Variants in CSMD1 observed in about 807,000 individuals in gnomAD.
CSMD1 encodes CUB and sushi domain-containing protein 1.
A neutral mutation model predicts 417.5 loss-of-function variants in CSMD1; 213 were observed. The observed-to-expected ratio is 0.51, with a 90% CI of 0.46 to 0.57. The LOEUF is 0.57. CSMD1 is among the 20% of genes least tolerant of loss of function. The probability of loss-of-function intolerance (pLI) is 0.00; values close to 1 mark genes in which losing one functional copy is unlikely to be tolerated. For missense variants in CSMD1, 6,923 were observed against 4,529.7 expected, an observed-to-expected ratio of 1.53 and a Z score of -15.17; for synonymous variants, 2,862 against 1,736.8, an observed-to-expected ratio of 1.65 and a Z score of -16.11.
intron 52 of CSMD1, 107 bp downstream of exon 52, chr8:3,018,370 G>C: frequency 2.0e-6 from 2 of 989,524 alleles, no homozygotes; most frequent in Admixed American, 2.4e-5. Flanking sequence ...TTCCACCCCA[G>C]GTAGGATTTA....
chr8:3,984,773 G>T (rs903636817), intron 5 of CSMD1, among the ~76,000 whole-genome samples: 10 of 145,052 alleles, frequency 6.9e-5, no homozygotes, highest in African/African-American at 2.5e-4. Context: ...TTGTGCGTGT[G>T]TGTGTGTGTG....
intron 2 of CSMD1, among the ~76,000 whole-genome samples, chr8:4,583,287 C>G (rs749868160): frequency 6.6e-6 from 1 of 152,208 alleles, no homozygotes; most frequent in African/African-American, 2.4e-5. Context: ...AAGCCAGCTG[C>G]GCTCCTGAGT....
chr8:4,920,153 T>C (rs1407760073), intron 1 of CSMD1, among the ~76,000 whole-genome samples: 2 of 152,134 alleles, frequency 1.3e-5, no homozygotes, highest in Non-Finnish European at 2.9e-5. Context: ...ATATATAATA[T>C]TTGTAATGTT....
intron 21 of CSMD1, among the ~76,000 whole-genome samples, chr8:3,352,483 C>G (rs1471558954): frequency 6.6e-6 from 1 of 152,026 alleles, no homozygotes; most frequent in Non-Finnish European, 1.5e-5. Context: ...TGATGGGGTA[C>G]AGGAATTTAT....
chr8:4,229,735 C>T (rs1801592458), intron 3 of CSMD1, among the ~76,000 whole-genome samples: 1 of 152,146 alleles, frequency 6.6e-6, no homozygotes, highest in Non-Finnish European at 1.5e-5. Flanking sequence ...CCATCCTCTG[C>T]CGTCCTGCTT....
intron 3 of CSMD1, among the ~76,000 whole-genome samples, chr8:4,094,159 G>C (rs1157159682): frequency 6.6e-6 from 1 of 152,066 alleles, no homozygotes; most frequent in African/African-American, 2.4e-5. Flanking sequence ...ACACAGCCGT[G>C]CACACGAATG....
intron 3 of CSMD1, among the ~76,000 whole-genome samples, chr8:4,115,417 T>G (rs1802081761): frequency 6.6e-6 from 1 of 152,246 alleles, no homozygotes; most frequent in South Asian, 2.1e-4. Context: ...TTCCTATGAT[T>G]CATTTTATAG....
intron 1 of CSMD1, among the ~76,000 whole-genome samples, chr8:4,878,541 G>C (rs1224528148): frequency 6.6e-6 from 1 of 151,798 alleles, no homozygotes; most frequent in Non-Finnish European, 1.5e-5. Flanking sequence ...ATTATTTCTT[G>C]TACAACCCCC....
At chr8:4,296,069 A>G (rs1306121212) in intron 3 of CSMD1, among the ~76,000 whole-genome samples, 2 of 152,104 alleles carry the variant, frequency 1.3e-5, no homozygotes, top group Non-Finnish European at 2.9e-5. Context: ...AGCCCTTAAA[A>G]TGATGTGCTC....
At chr8:2,982,254 G>T (rs1805488284) in intron 54 of CSMD1, among the ~76,000 whole-genome samples, 2 of 152,120 alleles carry the variant, frequency 1.3e-5, no homozygotes, top group African/African-American at 4.8e-5. Flanking sequence ...TACTCAGGAG[G>T]CTGAGGCAGG....
chr8:4,248,335 C>A (rs1802834870), intron 3 of CSMD1, among the ~76,000 whole-genome samples: 2 of 152,094 alleles, frequency 1.3e-5, no homozygotes, highest in Non-Finnish European at 2.9e-5. Context: ...GAAAGTTTCT[C>A]CCAGCCAAAC....
intron 1 of CSMD1, among the ~76,000 whole-genome samples, chr8:4,742,000 CTTTTTTTTTTTTTTTTTTTTTTTTTTTT>C (rs71209120): frequency 2.4e-3 from 174 of 73,814 alleles, no homozygotes; most frequent in African/African-American, 8.5e-3. Context: ...ACCACACCCA[CTTTTTTTTTTTTTTTTTTTTTTTTTTTT>C]TTTTTTTTTT....
At chr8:3,777,727 C>T (rs1175254024) in intron 5 of CSMD1, among the ~76,000 whole-genome samples, 14 of 152,274 alleles carry the variant, frequency 9.2e-5, no homozygotes, top group East Asian at 7.7e-4. Context: ...AGTCTCAGGC[C>T]ACACTCCAGA....
intron 18 of CSMD1, among the ~76,000 whole-genome samples, chr8:3,377,698 C>G (rs932528741): frequency 6.6e-6 from 1 of 152,106 alleles, no homozygotes; most frequent in East Asian, 1.9e-4. Context: ...TGCTCATATC[C>G]TGGGATGCCT....
In CSMD1 at chr8:4,266,907, G is replaced by T. The variant is rs1444426496; in HGVS notation, c.415+153046C>A. Among the ~76,000 whole-genome samples the T allele has an allele frequency of 3.9e-5, 4 of 103,596 alleles. 2 individuals carry two copies. The highest frequency in any genetic ancestry group is 1.0e-4 in the Non-Finnish European group (4 of 38,414). The allele number at this position is 103,596 out of a possible 152,430, so 68.0% of individuals were successfully genotyped here. A position where few individuals can be genotyped will look rare whatever the true frequency, so the allele number is the denominator to read the frequency against. On this transcript the variant is annotated intron_variant, in intron 3 of 69. Transcript: ENST00000635120. Reference sequence around the variant, plus strand: ...GTTAAGATGGAAGAAGAAACAAACTGATTAATAAAAACCAAATGACATTTA... The same window carrying T: ...GTTAAGATGGAAGAAGAAACAAACTTATTAATAAAAACCAAATGACATTTA...
intron 5 of CSMD1, among the ~76,000 whole-genome samples, chr8:3,905,409 T>C (rs750096892): frequency 6.6e-6 from 1 of 152,272 alleles, no homozygotes; most frequent in Admixed American, 6.5e-5. Flanking sequence ...AGGCCACAAT[T>C]AACCAGGCAG....
intron 2 of CSMD1, among the ~76,000 whole-genome samples, chr8:4,425,744 G>C (rs941767795): frequency 5.3e-5 from 8 of 152,128 alleles, no homozygotes; most frequent in Admixed American, 1.3e-4. Context: ...AATGGATTTT[G>C]AAGTAAATCC....
intron 12 of CSMD1, among the ~76,000 whole-genome samples, chr8:3,411,072 T>G (rs73174806): frequency 6.6e-6 from 1 of 152,024 alleles, no homozygotes. Context: ...CCCTGCCTGT[T>G]GGGCTTCCTG....
At chr8:3,721,844 G>A (rs1384394323) in intron 6 of CSMD1, among the ~76,000 whole-genome samples, 1 of 152,118 alleles carries the variant, frequency 6.6e-6, no homozygotes, top group South Asian at 2.1e-4. Context: ...AGTTTTCTGA[G>A]AGGCGCTGTA....
Sources: gnomAD v4.1 joint callset for allele counts (sites outside exome capture counted in the v4.1 genomes callset) on GRCh38, gnomAD v4.1.1 for gene constraint, MANE v1.5 for transcripts, NCBI Gene and HGNC (gene_info 2026-07-23, HGNC 2026-07-21) for gene names.